The following CCDC12 variants were observed in gnomAD, a reference collection of about 807,000 sequenced individuals.
CCDC12 encodes the protein coiled-coil domain-containing protein 12.
A neutral mutation model predicts 25.7 loss-of-function variants in CCDC12; 28 were observed. The ratio of observed to expected loss-of-function variants is 1.09; its 90% CI spans 0.81 to 1.50. CCDC12 has a LOEUF of 1.50. Ranked by LOEUF, CCDC12 falls within the 40% of genes most tolerant of loss-of-function variation. The probability of loss-of-function intolerance (pLI) is 0.00; values close to 1 mark genes in which losing one functional copy is unlikely to be tolerated. For missense variants in CCDC12, 198 were observed against 210.0 expected, an observed-to-expected ratio of 0.94 and a Z score of 0.35; for synonymous variants, 75 against 87.7, an observed-to-expected ratio of 0.86 and a Z score of 0.81.
chr3:46,940,990 G>A lies in CCDC12; in HGVS notation c.164+8C>T. On this transcript the variant is annotated splice_region_variant and intron_variant, in intron 2 of 6. Transcript: ENST00000683445. ...AGAGCAGACCCTGGAGCTGCACACGGGCATTACCTGTGCTTCTCGCCTTCT... is the reference window on the plus strand; with the variant it reads ...AGAGCAGACCCTGGAGCTGCACACGAGCATTACCTGTGCTTCTCGCCTTCT... The A allele has an allele frequency of 6.2e-7, 1 of 1,613,702 alleles. No individual in the cohort carries two copies. Among genetic ancestry groups the A allele is most frequent in the Non-Finnish European group, 8.5e-7 (1 of 1,179,584 alleles).
At chr3:46,959,212 C>T (rs568996387) in intron 1 of CCDC12, among the ~76,000 whole-genome samples, 3 of 151,752 alleles carry the variant, frequency 2.0e-5, no homozygotes, top group Non-Finnish European at 1.5e-5. Flanking sequence ...AGCTACAAAG[C>T]GTTTTTAAAA....
intron 1 of CCDC12, among the ~76,000 whole-genome samples, chr3:46,947,510 C>G (rs1229586421): frequency 6.6e-6 from 1 of 152,204 alleles, no homozygotes; most frequent in Non-Finnish European, 1.5e-5. Flanking sequence ...ACCACCATGC[C>G]TGGGACCAGA....
chr3:46,950,123 C>A (rs1467183825), intron 1 of CCDC12, among the ~76,000 whole-genome samples: 3 of 152,144 alleles, frequency 2.0e-5, no homozygotes, highest in African/African-American at 7.2e-5. Flanking sequence ...AATTCGAACC[C>A]TGGTTCTTGC....
At chr3:46,970,280 T>G (rs564611864) in intron 1 of CCDC12, among the ~76,000 whole-genome samples, 47 of 20,272 alleles carry the variant, frequency 2.3e-3, no homozygotes, top group Non-Finnish European at 6.5e-3. Flanking sequence ...AGATATTTTT[T>G]GTGATTTTTT....
At chr3:46,961,527 T>C (rs1473063562) in intron 1 of CCDC12, among the ~76,000 whole-genome samples, 6 of 152,222 alleles carry the variant, frequency 3.9e-5, no homozygotes, top group African/African-American at 1.2e-4. Context: ...TTGTCTTCCC[T>C]GGGAGTCCAT....
At chr3:46,964,726 G>A (rs918069921) in intron 1 of CCDC12, among the ~76,000 whole-genome samples, 1 of 152,062 alleles carries the variant, frequency 6.6e-6, no homozygotes, top group African/African-American at 2.4e-5. Context: ...TGCAAGATGT[G>A]CTTTGTTAAA....
chr3:46,969,426 T>C (rs927333659), intron 1 of CCDC12, among the ~76,000 whole-genome samples: 1 of 152,162 alleles, frequency 6.6e-6, no homozygotes, highest in Non-Finnish European at 1.5e-5. Flanking sequence ...AGAGATGGTG[T>C]CTTGTTATGT....
chr3:46,958,285 T>C (rs1407848844), intron 1 of CCDC12, among the ~76,000 whole-genome samples: 2 of 152,250 alleles, frequency 1.3e-5, no homozygotes, highest in Non-Finnish European at 2.9e-5. Context: ...GGACCCATTA[T>C]ATTAAGTAAA....
At chr3:46,971,292 G>A (rs536086986) in intron 1 of CCDC12, among the ~76,000 whole-genome samples, 1 of 152,202 alleles carries the variant, frequency 6.6e-6, no homozygotes, top group East Asian at 1.9e-4. Context: ...GTGTCAACGG[G>A]AACTGGCTGA....
Position 46,933,898 on chromosome 3 carries a change from C to A in CCDC12, c.164+7100G>T, listed in dbSNP as rs2033334342. Among the ~76,000 whole-genome samples the A allele has an allele frequency of 2.0e-5, 3 of 151,044 alleles. No individual in the cohort carries two copies. The East Asian group carries it at 5.9e-4, about 30-fold the overall frequency. On this transcript the variant is annotated intron_variant, in intron 2 of 6. Transcript: ENST00000683445. ...TCTAAGTTTTCTACAATAAAAAAAT[C>A]TATAATTTATGTAAATATCAATTGA...
upstream of CCDC12, chr3:46,976,938 C>T: frequency 3.0e-6 from 2 of 667,158 alleles, no homozygotes. Context: ...GACAACTTGC[C>T]TAGTGGGTGG....
At chr3:46,951,855 C>A (rs2034142845) in intron 1 of CCDC12, among the ~76,000 whole-genome samples, 1 of 121,634 alleles carries the variant, frequency 8.2e-6, no homozygotes, top group African/African-American at 3.1e-5. Context: ...AATGATCTAT[C>A]TGCTATCTGA....
At position 46,951,798 on chromosome 3, in the gene CCDC12, A is replaced by AAAAAAAAAAAAAAAT; in HGVS notation, c.97-10734_97-10733insATTTTTTTTTTTTTT. ...CCGTCTCAAAAAAAAAAAAAAAAAA[A>AAAAAAAAAAAAAAAT]ATATATATATATATATATATATATA... On this transcript the variant is annotated intron_variant, in intron 1 of 6. Transcript: ENST00000683445. Among the ~76,000 whole-genome samples, 36 of 8,462 alleles carry AAAAAAAAAAAAAAAT rather than the reference A, an allele frequency of 4.3e-3. 1 individual carries two copies. In the East Asian group the frequency reaches 0.056, roughly 13 times the overall value. 5.6% of individuals were successfully genotyped at this position (8,462 alleles called of 152,430 possible).
intron 1 of CCDC12, among the ~76,000 whole-genome samples, chr3:46,967,001 T>C (rs2034661991): frequency 6.6e-6 from 1 of 151,930 alleles, no homozygotes; most frequent in Non-Finnish European, 1.5e-5. Context: ...CACAGAATGA[T>C]CTCCCAGTCC....
chr3:46,942,792 A>G (rs181185501), intron 1 of CCDC12, among the ~76,000 whole-genome samples: 203 of 152,324 alleles, frequency 1.3e-3, no homozygotes, highest in African/African-American at 4.5e-3. Flanking sequence ...AGAGGTCAAC[A>G]TGGAACGTGG....
chr3:46,970,184 C>G (rs2034762545), intron 1 of CCDC12, among the ~76,000 whole-genome samples: 1 of 152,108 alleles, frequency 6.6e-6, no homozygotes, highest in African/African-American at 2.4e-5. Flanking sequence ...GGGATTATAA[C>G]AAGCTTGTCC....
chr3:46,975,145 G>C (rs1169817190), intron 1 of CCDC12, among the ~76,000 whole-genome samples: 1 of 152,000 alleles, frequency 6.6e-6, no homozygotes, highest in Non-Finnish European at 1.5e-5. Flanking sequence ...TAGGCTAGTA[G>C]GCCCATCCCC....
At chr3:46,934,321 G>C (rs2033356215) in intron 2 of CCDC12, among the ~76,000 whole-genome samples, 1 of 152,250 alleles carries the variant, frequency 6.6e-6, no homozygotes, top group East Asian at 1.9e-4. Context: ...GCTGCCCTGA[G>C]TGGCAAACTG....
chr3:46,922,215 C>A (rs1190562273), intron 6 of CCDC12, 21 bp downstream of exon 6: 2 of 1,614,120 alleles, frequency 1.2e-6, no homozygotes, highest in African/African-American at 1.3e-5. Context: ...AGGACCCCAC[C>A]TTCCCAGGCA....
Sources: gnomAD v4.1 joint callset for allele counts (sites outside exome capture counted in the v4.1 genomes callset) on GRCh38, gnomAD v4.1.1 for gene constraint, MANE v1.5 for transcripts, NCBI Gene and HGNC (gene_info 2026-07-23, HGNC 2026-07-21) for gene names.